TTC7B: variants seen among roughly 807,000 people sequenced by gnomAD.
TTC7B encodes tetratricopeptide repeat protein 7B.
A neutral mutation model predicts 106.8 loss-of-function variants in TTC7B; 28 were observed. That is an observed-to-expected ratio of 0.26 (90% confidence interval 0.19 to 0.36). TTC7B has a LOEUF of 0.36. Among genes scored for constraint, TTC7B ranks in the 10% least tolerant of loss-of-function variants. The pLI, the probability that TTC7B is intolerant of heterozygous loss-of-function variation, is 1.00. For synonymous variants in TTC7B, 405 were observed against 430.6 expected (o/e 0.94, Z 0.74); for missense variants, 862 against 1,076.4 (o/e 0.80, Z 2.79).
chr14:90,742,347 CCTTT>C lies in TTC7B; in HGVS notation c.576+2441_576+2444del, dbSNP rs1366285558. Among the ~76,000 whole-genome samples the C allele has an allele frequency of 6.7e-6, 1 of 148,630 alleles. No homozygotes were observed. Among genetic ancestry groups the C allele is most frequent in the Non-Finnish European group, 1.5e-5 (1 of 67,108 alleles). On this transcript the variant is annotated intron_variant, in intron 4 of 19. Transcript: ENST00000328459. The surrounding 1 kb of genome is among the most constrained non-coding windows in gnomAD (Gnocchi z 4.1). ...TTCTCTCTCTCTCTCTTTCTCTCTT[CCTTT>C]CTTTCTTCATTTGTAGAGACAAGGT...
intron 5 of TTC7B, among the ~76,000 whole-genome samples, chr14:90,707,201 A>T (rs909247197): frequency 1.3e-5 from 2 of 152,222 alleles, no homozygotes; most frequent in Non-Finnish European, 1.5e-5. Flanking sequence ...ATCATCTGTT[A>T]TCAGTGATCT....
chr14:90,637,640 A>C (rs1305430371), intron 15 of TTC7B, among the ~76,000 whole-genome samples: 1 of 152,230 alleles, frequency 6.6e-6, no homozygotes, highest in African/African-American at 2.4e-5. Flanking sequence ...AAGTGAATCC[A>C]TAAAAAAGCT....
At chr14:90,784,924 G>A (rs1891336177) in intron 2 of TTC7B, among the ~76,000 whole-genome samples, 1 of 152,150 alleles carries the variant, frequency 6.6e-6, no homozygotes, top group South Asian at 2.1e-4. Context: ...GTTTCCAGAA[G>A]CCTGTTGCTG....
intron 1 of TTC7B, among the ~76,000 whole-genome samples, chr14:90,811,915 C>T (rs937259057): frequency 6.6e-6 from 1 of 152,188 alleles, no homozygotes; most frequent in Admixed American, 6.5e-5. Flanking sequence ...CTCCAATGTG[C>T]CTGTTTGTCA....
chr14:90,730,022 C>T (rs1889264502), intron 5 of TTC7B, 53 bp downstream of exon 5: 9 of 1,559,792 alleles, frequency 5.8e-6, no homozygotes, highest in Non-Finnish European at 7.8e-6. Flanking sequence ...CATTGTAAGG[C>T]TTTCTACTTT....
At chr14:90,749,402 C>CTTTTT (rs3085716) in intron 3 of TTC7B, among the ~76,000 whole-genome samples, 1 of 117,202 alleles carries the variant, frequency 8.5e-6, no homozygotes, top group Non-Finnish European at 1.8e-5. Context: ...AATAATTTTT[C>CTTTTT]TTTTTTTTTT....
chr14:90,695,147 TAA>T (rs1482055984), intron 6 of TTC7B, among the ~76,000 whole-genome samples: 1 of 135,910 alleles, frequency 7.4e-6, no homozygotes, highest in Non-Finnish European at 1.5e-5. Flanking sequence ...TTATTTTATA[TAA>T]AATAAATAAA....
chr14:90,711,928 G>A (rs1257850441), intron 5 of TTC7B, among the ~76,000 whole-genome samples: 1 of 152,070 alleles, frequency 6.6e-6, no homozygotes, highest in Admixed American at 6.5e-5. Flanking sequence ...AAATGTGTAT[G>A]TATACAATCC....
chr14:90,780,781 C>G lies in TTC7B; in HGVS notation c.402G>C (p.Pro134=). 1 of 1,614,266 alleles carries G rather than the reference C, an allele frequency of 6.2e-7. No homozygotes were observed. Among genetic ancestry groups the G allele is most frequent in the Non-Finnish European group, 8.5e-7 (1 of 1,180,052 alleles). Residue 134 remains proline (P), a synonymous_variant, in exon 3 of 20, where the codon CCG becomes CCC. Coordinates refer to ENST00000328459, the MANE Select transcript of TTC7B (RefSeq NM_001010854.2). ...CTGCGATCACCCGCAGCCTGTAGGG[C>G]GGGACAGCTGTCAGTGGCAGATCGT... ...GLDDLPLTAV[P]PYRLRVIAEA...
At chr14:90,709,981 G>GAA (rs71461919) in intron 5 of TTC7B, among the ~76,000 whole-genome samples, 12,538 of 76,232 alleles carry the variant, frequency 0.16, 872 homozygotes, top group African/African-American at 0.22. Context: ...TTATGTGCCA[G>GAA]AAAAAAAAAA....
At chr14:90,708,997 C>T (rs1176244174) in intron 5 of TTC7B, among the ~76,000 whole-genome samples, 8 of 151,276 alleles carry the variant, frequency 5.3e-5, no homozygotes, top group African/African-American at 1.9e-4. Context: ...TACCATCTCA[C>T]ACCAGTTAGA....
intron 4 of TTC7B, among the ~76,000 whole-genome samples, chr14:90,738,207 G>A (rs1260898059): frequency 2.0e-5 from 3 of 152,204 alleles, no homozygotes; most frequent in Non-Finnish European, 4.4e-5. Flanking sequence ...AACTAAACTT[G>A]CAAGGTACCA....
At chr14:90,605,460 T>C (rs1892599370) in intron 17 of TTC7B, 1 of 781,724 alleles carries the variant, frequency 1.3e-6, no homozygotes, top group South Asian at 2.5e-5. Flanking sequence ...AAACAGCTTT[T>C]GGATTTTCAA....
chr14:90,683,693 C>T (rs1387174828), intron 7 of TTC7B, among the ~76,000 whole-genome samples: 1 of 152,094 alleles, frequency 6.6e-6, no homozygotes, highest in African/African-American at 2.4e-5. Context: ...GGGCTACACT[C>T]TGCTGAGTGG....
At chr14:90,705,100 A>G (rs1258828634) in intron 5 of TTC7B, among the ~76,000 whole-genome samples, 2 of 152,126 alleles carry the variant, frequency 1.3e-5, no homozygotes, top group Non-Finnish European at 2.9e-5. Flanking sequence ...AAATTATTTC[A>G]CTCTCTCATC....
intron 3 of TTC7B, among the ~76,000 whole-genome samples, chr14:90,769,031 C>T (rs986670015): frequency 2.0e-5 from 3 of 152,004 alleles, no homozygotes; most frequent in Admixed American, 6.6e-5. Flanking sequence ...TTTGTGACAT[C>T]GGTAACAGAA....
At chr14:90,603,308 G>A (rs777026622) in intron 17 of TTC7B, 10 of 1,288,900 alleles carry the variant, frequency 7.8e-6, no homozygotes, top group Non-Finnish European at 1.0e-5. Flanking sequence ...AGTTGCCTTG[G>A]AACAACAGAT....
At chr14:90,688,336 A>G (rs1887326589) in intron 7 of TTC7B, among the ~76,000 whole-genome samples, 1 of 152,064 alleles carries the variant, frequency 6.6e-6, no homozygotes, top group Non-Finnish European at 1.5e-5. Flanking sequence ...CTAAAAATAC[A>G]AAAATTGTCC....
rs987299989 is a variant in TTC7B, at chr14:90,584,227, G to T, written c.2108-5919C>A. Among the ~76,000 whole-genome samples the T allele has an allele frequency of 2.6e-4, 40 of 152,354 alleles. 1 individual carries two copies. Among genetic ancestry groups the T allele is most frequent in the South Asian group, 2.1e-4 (1 of 4,832 alleles). On this transcript the variant is annotated intron_variant, in intron 18 of 19. Transcript: ENST00000328459. Reference sequence around the variant, plus strand: ...CTAAAAGGGCAAGCTACTCTGTGAAGGTTTCTCTCTCAAGGTGAAGTGGTG... The same window carrying T: ...CTAAAAGGGCAAGCTACTCTGTGAATGTTTCTCTCTCAAGGTGAAGTGGTG...
Sources: gnomAD v4.1 joint callset for allele counts (sites outside exome capture counted in the v4.1 genomes callset) on GRCh38, gnomAD v4.1.1 for gene constraint, Gnocchi (gnomAD v3.1) non-coding constraint, MANE v1.5 for transcripts, NCBI Gene and HGNC (gene_info 2026-07-23, HGNC 2026-07-21) for gene names.